Variants in TMTC4 observed in about 807,000 individuals in gnomAD.
TMTC4 encodes the protein protein O-mannosyl-transferase TMTC4.
In TMTC4, 65 loss-of-function variants were observed where a neutral mutation model predicts 86.0. The observed-to-expected ratio is 0.76, with a 90% CI of 0.62 to 0.93. The LOEUF (loss-of-function observed/expected upper bound fraction) is 0.93. Among genes scored for constraint, TMTC4 ranks in the 40% least tolerant of loss-of-function variants. TMTC4 has a pLI of 0.00. For missense variants in TMTC4, 866 were observed against 948.1 expected (o/e 0.91, Z 1.14); for synonymous variants, 379 against 382.5 (o/e 0.99, Z 0.11).
At chr13:100,652,874 A>G (rs1240034575) in intron 6 of TMTC4, among the ~76,000 whole-genome samples, 1 of 152,228 alleles carries the variant, frequency 6.6e-6, no homozygotes, top group Non-Finnish European at 1.5e-5. Flanking sequence ...TTGTTGTTCT[A>G]GTCTTTGTAT....
At chr13:100,636,397 A>G in intron 10 of TMTC4, 135 bp downstream of exon 10, 1 of 1,067,528 alleles carries the variant, frequency 9.4e-7, no homozygotes, top group South Asian at 1.5e-5. Context: ...AACTCATCCT[A>G]GCCATAAATA....
intron 12 of TMTC4, among the ~76,000 whole-genome samples, chr13:100,627,171 G>A (rs762901500): frequency 4.6e-5 from 7 of 152,172 alleles, no homozygotes; most frequent in Admixed American, 1.3e-4. Flanking sequence ...CAAGGGCCTC[G>A]GTGTGGCTGG....
rs780386138 is a variant in TMTC4, at chr13:100,663,167, GGTA to G, written c.346_348del (p.Tyr116del). 3 of 1,614,220 alleles carry G rather than the reference GGTA, an allele frequency of 1.9e-6. No individual in the cohort carries two copies. In the South Asian group the frequency reaches 3.3e-5, roughly 18 times the overall value. On this transcript the variant is annotated inframe_deletion, in exon 5 of 19. Coordinates refer to ENST00000342624, the MANE Select transcript of TMTC4 (RefSeq NM_032813.5). The stretch of plus-strand genomic sequence containing the variant: ...CCCACGGGGTGGAAGCCTCCCGAGA[GGTA>G]GTAGTTAATCCTGCAGAAACACAGG...
chr13:100,641,565 G>A (rs1399164632), intron 7 of TMTC4, among the ~76,000 whole-genome samples: 2 of 151,656 alleles, frequency 1.3e-5, no homozygotes, highest in African/African-American at 2.4e-5. Context: ...TCGGCTTACC[G>A]CCACCTCCGC....
chr13:100,654,722 G>A (rs377191900), intron 6 of TMTC4, among the ~76,000 whole-genome samples: 2 of 152,250 alleles, frequency 1.3e-5, no homozygotes, highest in South Asian at 2.1e-4. Flanking sequence ...GCCAATACAT[G>A]TATCTGTTCA....
In TMTC4 at chr13:100,670,522, T is replaced by C. The variant is rs1317144399; in HGVS notation, c.-160A>G. 3.2e-6 allele frequency: 2 copies of C among 621,346 alleles called. No individual in the cohort carries two copies. Among genetic ancestry groups the C allele is most frequent in the African/African-American group, 1.9e-5 (1 of 52,380 alleles). 38.5% of individuals were successfully genotyped at this position (621,346 alleles called of 1,614,324 possible). A position where few individuals can be genotyped will look rare whatever the true frequency, so the allele number is the denominator to read the frequency against. ...GTGCTGGGGGAATACTGCAGCTACTTTTCTTTTCCAGTCAAAGGATAAACC... is the reference window on the plus strand; with the variant it reads ...GTGCTGGGGGAATACTGCAGCTACTCTTCTTTTCCAGTCAAAGGATAAACC... On this transcript the variant is annotated 5_prime_UTR_variant, in exon 2 of 19. Coordinates refer to ENST00000342624, the MANE Select transcript of TMTC4 (RefSeq NM_032813.5).
chr13:100,645,162 A>G lies in TMTC4; in HGVS notation c.641-2851T>C, dbSNP rs1883559762. Among the ~76,000 whole-genome samples, 2 of 152,204 alleles carry G rather than the reference A, an allele frequency of 1.3e-5. 1 individual carries two copies. The highest frequency in any genetic ancestry group is 4.2e-4 in the South Asian group (2 of 4,816). ...AATTATCTCTTTTGCCTTCAGGATA[A>G]TGGTTCCTCTTCTGACCGTGGCTTT... On this transcript the variant is annotated intron_variant, in intron 6 of 18. Transcript: ENST00000342624.
At chr13:100,620,238 G>A (rs980356364) in intron 15 of TMTC4, among the ~76,000 whole-genome samples, 6 of 152,150 alleles carry the variant, frequency 3.9e-5, no homozygotes, top group Non-Finnish European at 5.9e-5. Context: ...CTTTTGTTCT[G>A]TTCTGTCAAC....
intron 15 of TMTC4, among the ~76,000 whole-genome samples, chr13:100,616,779 GCATTTTCTCAT>G (rs1878570503): frequency 6.6e-6 from 1 of 152,246 alleles, no homozygotes; most frequent in Middle Eastern, 3.4e-3. Flanking sequence ...GTGATGATGA[GCATTTTCTCAT>G]ATGTTTGTTA....
At chr13:100,659,566 G>A (rs1885517721) in intron 5 of TMTC4, among the ~76,000 whole-genome samples, 1 of 152,008 alleles carries the variant, frequency 6.6e-6, no homozygotes, top group South Asian at 2.1e-4. Context: ...TCAGGGAAGC[G>A]CTGGGGTCCT....
At chr13:100,607,516 CAAAAAA>C (rs35106656) in intron 17 of TMTC4, among the ~76,000 whole-genome samples, 16 of 125,938 alleles carry the variant, frequency 1.3e-4, no homozygotes, top group Admixed American at 8.8e-4. Context: ...GACTCTGTCT[CAAAAAA>C]AAAAAAAAAA....
intron 6 of TMTC4, among the ~76,000 whole-genome samples, chr13:100,643,977 T>G (rs1883372135): frequency 6.6e-6 from 1 of 152,108 alleles, no homozygotes; most frequent in Admixed American, 6.5e-5. Context: ...CTGCAGACCC[T>G]GCAAGGAGGG....
chr13:100,658,167 A>C (rs563691988), intron 5 of TMTC4, among the ~76,000 whole-genome samples: 6 of 152,314 alleles, frequency 3.9e-5, no homozygotes, highest in African/African-American at 1.4e-4. Context: ...ACACAGTAAA[A>C]TAGTCAGAGA....
chr13:100,650,641 C>T (rs1307763341), intron 6 of TMTC4, among the ~76,000 whole-genome samples: 1 of 152,234 alleles, frequency 6.6e-6, no homozygotes, highest in Non-Finnish European at 1.5e-5. Context: ...CCAAGCCGTG[C>T]TTCTATGCAC....
intron 12 of TMTC4, among the ~76,000 whole-genome samples, chr13:100,633,259 A>G (rs1242070930): frequency 7.2e-6 from 1 of 138,744 alleles, no homozygotes. Context: ...CAGTGAGCCG[A>G]GATCAGGCCA....
At chr13:100,637,443 GCGTGCAGAGGAGTGAGA>G in intron 9 of TMTC4, 78 bp downstream of exon 9, 1 of 1,458,376 alleles carries the variant, frequency 6.9e-7, no homozygotes, top group Admixed American at 2.2e-5. Flanking sequence ...GATTTTGTTG[GCGTGCAGAGGAGTGAGA>G]CGAGGAGGAG....
chr13:100,636,760 T>TA, intron 9 of TMTC4, 26 bp from the exon 10 acceptor site: 1 of 1,612,504 alleles, frequency 6.2e-7, no homozygotes, highest in Non-Finnish European at 8.5e-7. Flanking sequence ...AGAACAAACA[T>TA]CTATTTGATA....
In TMTC4 at chr13:100,634,953, C is replaced by G. The variant is rs1262686653; in HGVS notation, c.1375-17G>C. The G allele has an allele frequency of 3.1e-6, 5 of 1,612,922 alleles. No homozygotes were observed. The highest frequency in any genetic ancestry group is 3.4e-6 in the Non-Finnish European group (4 of 1,179,370). On this transcript the variant is annotated splice_polypyrimidine_tract_variant and intron_variant, in intron 11 of 18. Coordinates refer to ENST00000342624, the MANE Select transcript of TMTC4 (RefSeq NM_032813.5). ...AATGAGTTTCTTAAGAACAGAAAGA[C>G]ATGGTAATTGTCACCAGTGAGATGC...
chr13:100,642,426 G>C, intron 6 of TMTC4, 115 bp from the exon 7 acceptor site: 1 of 1,195,478 alleles, frequency 8.4e-7, no homozygotes, highest in Non-Finnish European at 1.2e-6. Flanking sequence ...TAAAAACAGG[G>C]TTTGGGCTTC....
Sources: gnomAD v4.1 joint callset for allele counts (sites outside exome capture counted in the v4.1 genomes callset) on GRCh38, gnomAD v4.1.1 for gene constraint, MANE v1.5 for transcripts, NCBI Gene and HGNC (gene_info 2026-07-23, HGNC 2026-07-21) for gene names.